NXPH1: variants seen among roughly 807,000 people sequenced by gnomAD.
NXPH1 encodes neurexophilin 1.
A neutral mutation model predicts 23.7 loss-of-function variants in NXPH1; 5 were observed. That is an observed-to-expected ratio of 0.21 (90% CI 0.11 to 0.44). NXPH1 has a LOEUF of 0.44. Among genes scored for constraint, NXPH1 ranks in the 20% least tolerant of loss-of-function variants. The pLI, the probability that NXPH1 is intolerant of heterozygous loss-of-function variation, is 0.99. For synonymous variants in NXPH1, 144 were observed against 122.2 expected (o/e 1.18, Z -1.18); for missense variants, 324 against 321.6 (o/e 1.01, Z -0.06).
intron 2 of NXPH1, among the ~76,000 whole-genome samples, chr7:8,728,085 A>T (rs990814521): frequency 7.3e-5 from 11 of 149,994 alleles, no homozygotes; most frequent in Non-Finnish European, 1.6e-4. Context: ...TAGGTATTTT[A>T]TTCTCTTTGA....
At chr7:8,510,044 T>C (rs772823549) in intron 2 of NXPH1, among the ~76,000 whole-genome samples, 2 of 152,124 alleles carry the variant, frequency 1.3e-5, no homozygotes, top group Non-Finnish European at 1.5e-5. Context: ...AATCCTAAGC[T>C]TCAGAAGCTT....
At chr7:8,729,324 T>C (rs1780110402) in intron 2 of NXPH1, among the ~76,000 whole-genome samples, 1 of 143,432 alleles carries the variant, frequency 7.0e-6, no homozygotes, top group Non-Finnish European at 1.5e-5. Context: ...AAGGGTTTTT[T>C]GTGTCTCTAT....
chr7:8,566,055 C>G (rs1271545113), intron 2 of NXPH1, among the ~76,000 whole-genome samples: 1 of 151,780 alleles, frequency 6.6e-6, no homozygotes, highest in Non-Finnish European at 1.5e-5. Flanking sequence ...CAGATGAGGA[C>G]TTTACTGTCA....
At chr7:8,576,190 C>G (rs1046599950) in intron 2 of NXPH1, among the ~76,000 whole-genome samples, 2 of 152,108 alleles carry the variant, frequency 1.3e-5, no homozygotes, top group Admixed American at 1.3e-4. Flanking sequence ...GTATTCTAGG[C>G]ATATGTTTGA....
chr7:8,610,498 A>C (rs556811179), intron 2 of NXPH1, among the ~76,000 whole-genome samples: 11 of 152,156 alleles, frequency 7.2e-5, no homozygotes, highest in African/African-American at 1.2e-4. Flanking sequence ...GCAGAACTTT[A>C]TTACAGAAAA....
chr7:8,737,127 T>TA (rs1780273625), intron 2 of NXPH1, among the ~76,000 whole-genome samples: 1 of 152,198 alleles, frequency 6.6e-6, no homozygotes, highest in Admixed American at 6.5e-5. Context: ...TTAGCCCATT[T>TA]ACATTTAAAG....
chr7:8,581,201 A>G (rs936827144), intron 2 of NXPH1, among the ~76,000 whole-genome samples: 11 of 152,192 alleles, frequency 7.2e-5, no homozygotes, highest in African/African-American at 1.9e-4. Flanking sequence ...TTAAAAATAT[A>G]TACTTATTAA....
intron 2 of NXPH1, among the ~76,000 whole-genome samples, chr7:8,660,542 A>AG (rs1231331969): frequency 6.6e-6 from 1 of 152,262 alleles, no homozygotes; most frequent in Non-Finnish European, 1.5e-5. Flanking sequence ...AAGTTTTAAA[A>AG]ATGAATAAGG....
intron 2 of NXPH1, among the ~76,000 whole-genome samples, chr7:8,454,870 C>T (rs1816567252): frequency 6.6e-6 from 1 of 152,054 alleles, no homozygotes; most frequent in Non-Finnish European, 1.5e-5. Context: ...GTCATCTTTC[C>T]TAGGAGCCAC....
chr7:8,567,080 C>T (rs762916782), intron 2 of NXPH1, among the ~76,000 whole-genome samples: 12 of 151,858 alleles, frequency 7.9e-5, no homozygotes, highest in Non-Finnish European at 1.6e-4. Flanking sequence ...TGCTTTTCTA[C>T]GAATCTTCAT....
chr7:8,620,001 GT>G lies in NXPH1; in HGVS notation c.55-131002del, dbSNP rs150213066. Among the ~76,000 whole-genome samples the G allele has an allele frequency of 9.8e-3, 1,497 of 152,220 alleles. 26 individuals are homozygous for G. The highest frequency in any genetic ancestry group is 0.034 in the African/African-American group (1,424 of 41,532). ...AATATGATCTTGGCTCATGAGCAGA[GT>G]TTTTCCATCCACGTACTGCTGTGCT... is the stretch of plus-strand genomic sequence containing the variant. On this transcript the variant is annotated intron_variant, in intron 2 of 2. Transcript: ENST00000405863.
Position 8,568,400 on chromosome 7 carries a change from A to G in NXPH1, c.54+132633A>G, listed in dbSNP as rs551091495. 1.4e-4 allele frequency among the ~76,000 whole-genome samples: 22 copies of G among 151,996 alleles called. 1 individual carries two copies. In the South Asian group the frequency reaches 4.6e-3, roughly 31 times the overall value. On this transcript the variant is annotated intron_variant, in intron 2 of 2. Transcript: ENST00000405863. ...TTTCTGCAAATATTTTAAATGATAA[A>G]TTTTTACACAAGGCCCCAAAATAGC...
At chr7:8,611,466 G>A (rs1382532188) in intron 2 of NXPH1, among the ~76,000 whole-genome samples, 1 of 152,148 alleles carries the variant, frequency 6.6e-6, no homozygotes, top group Non-Finnish European at 1.5e-5. Flanking sequence ...TATTGACAGA[G>A]GAAGGGAGAC....
At chr7:8,651,779 C>T (rs1290966849) in intron 2 of NXPH1, among the ~76,000 whole-genome samples, 1 of 152,162 alleles carries the variant, frequency 6.6e-6, no homozygotes, top group Non-Finnish European at 1.5e-5. Flanking sequence ...GAATCATCAA[C>T]TGCCTGGTGG....
intron 2 of NXPH1, among the ~76,000 whole-genome samples, chr7:8,710,824 G>T (rs547109515): frequency 7.3e-6 from 1 of 136,918 alleles, no homozygotes; most frequent in South Asian, 2.4e-4. Flanking sequence ...CACCGCGCCC[G>T]GCTAATTTTT....
chr7:8,607,856 A>C (rs912049043), intron 2 of NXPH1, among the ~76,000 whole-genome samples: 1 of 152,244 alleles, frequency 6.6e-6, no homozygotes, highest in East Asian at 1.9e-4. Flanking sequence ...ATGAAGTCGT[A>C]CTGAAGTAAG....
rs754900874 is a variant in NXPH1, at chr7:8,751,327, A to T, written c.374A>T (p.His125Leu). 1 of 1,613,956 alleles carries T rather than the reference A, an allele frequency of 6.2e-7. No individual in the cohort carries two copies. Among genetic ancestry groups the T allele is most frequent in the Non-Finnish European group, 8.5e-7 (1 of 1,179,870 alleles). Residue 125 changes from histidine to leucine, a missense_variant, in exon 3 of 3, where the codon CAT becomes CTT. Transcript: ENST00000405863. This position sits in a 1 kb window ranked among gnomAD's most constrained non-coding sequence, Gnocchi z 4.5. ...AAAATGTTTGGATGGGGCGATTTTC[A>T]TTCCAACATCAAAACAGTGAAGCTG... ...FKKMFGWGDF[H>L]SNIKTVKLNL...
chr7:8,629,480 G>T (rs1304954787), intron 2 of NXPH1, among the ~76,000 whole-genome samples: 1 of 152,224 alleles, frequency 6.6e-6, no homozygotes, highest in Middle Eastern at 3.4e-3. Context: ...AGTTGGGGGA[G>T]ATATTTCATT....
intron 2 of NXPH1, among the ~76,000 whole-genome samples, chr7:8,573,557 A>G (rs897768525): frequency 3.3e-5 from 5 of 152,128 alleles, no homozygotes; most frequent in African/African-American, 1.2e-4. Flanking sequence ...AGCATAATGC[A>G]TGAGTGATGG....
Sources: gnomAD v4.1 joint callset for allele counts (sites outside exome capture counted in the v4.1 genomes callset) on GRCh38, gnomAD v4.1.1 for gene constraint, Gnocchi (gnomAD v3.1) non-coding constraint, MANE v1.5 for transcripts, NCBI Gene and HGNC (gene_info 2026-07-23, HGNC 2026-07-21) for gene names.